Variants in SPIDR observed in about 807,000 individuals in gnomAD.
SPIDR encodes the protein DNA repair-scaffolding protein.
SPIDR carries 93 observed loss-of-function variants against 104.6 expected under a neutral mutation model. That is an observed-to-expected ratio of 0.89 (90% CI 0.75 to 1.06). SPIDR has a LOEUF of 1.06. SPIDR is among the 50% of genes least tolerant of loss of function. The pLI, the probability that SPIDR is intolerant of heterozygous loss-of-function variation, is 0.00. For missense variants in SPIDR, 1,154 were observed against 1,111.2 expected (o/e 1.04, Z -0.55); for synonymous variants, 431 against 416.9 (o/e 1.03, Z -0.41).
At chr8:47,389,175 G>C (rs1287487564) in intron 5 of SPIDR, among the ~76,000 whole-genome samples, 1 of 152,158 alleles carries the variant, frequency 6.6e-6, no homozygotes, top group African/African-American at 2.4e-5. Context: ...TGCTATAAAA[G>C]ATCCTGACTT....
chr8:47,729,241 T>G, intron 18 of SPIDR, 171 bp from the exon 19 acceptor site: 2 of 1,439,670 alleles, frequency 1.4e-6, no homozygotes, highest in Non-Finnish European at 1.9e-6. Flanking sequence ...GCACCCTATG[T>G]GAACACAGTC....
chr8:47,452,775 G>A (rs2154349312), intron 8 of SPIDR, among the ~76,000 whole-genome samples: 1 of 152,276 alleles, frequency 6.6e-6, no homozygotes, highest in South Asian at 2.1e-4. Context: ...GGCAGAAACT[G>A]GAAGCATTCC....
At chr8:47,705,909 A>G (rs905858851) in intron 14 of SPIDR, among the ~76,000 whole-genome samples, 17 of 151,918 alleles carry the variant, frequency 1.1e-4, no homozygotes, top group Non-Finnish European at 8.8e-5. Context: ...TCAAAAAAAA[A>G]AAAAGCAGAT....
chr8:47,262,320 CTTTT>C (rs980020126), intron 1 of SPIDR, among the ~76,000 whole-genome samples: 1 of 151,300 alleles, frequency 6.6e-6, no homozygotes, highest in Non-Finnish European at 1.5e-5. Context: ...TTTCAAGACT[CTTTT>C]TTTTTACTCA....
At chr8:47,293,314 A>G (rs1302444229) in intron 4 of SPIDR, among the ~76,000 whole-genome samples, 7 of 152,196 alleles carry the variant, frequency 4.6e-5, no homozygotes, top group African/African-American at 1.7e-4. Flanking sequence ...TACATAGTTT[A>G]TTTGCTTAAA....
At chr8:47,650,795 G>GC in intron 10 of SPIDR, among the ~76,000 whole-genome samples, 1 of 152,190 alleles carries the variant, frequency 6.6e-6, no homozygotes, top group Middle Eastern at 3.4e-3. Context: ...AAGAAATAAG[G>GC]CCAAATACTT....
chr8:47,616,031 T>G (rs1382678426), intron 10 of SPIDR, among the ~76,000 whole-genome samples: 1 of 152,264 alleles, frequency 6.6e-6, no homozygotes, highest in Admixed American at 6.5e-5. Flanking sequence ...TGATCTTGTA[T>G]CCTGCAACTT....
intron 1 of SPIDR, among the ~76,000 whole-genome samples, chr8:47,271,028 G>A (rs2035205802): frequency 6.6e-6 from 1 of 152,142 alleles, no homozygotes; most frequent in African/African-American, 2.4e-5. Flanking sequence ...GTATTCTGCT[G>A]TTCCTCAGGG....
chr8:47,603,813 G>A (rs890492697), intron 10 of SPIDR, among the ~76,000 whole-genome samples: 12 of 152,168 alleles, frequency 7.9e-5, no homozygotes, highest in Admixed American at 2.0e-4. Flanking sequence ...CTAAATAGTC[G>A]TGTCTTCAGA....
At chr8:47,725,272 TAAGAC>T (rs1306362985) in intron 16 of SPIDR, among the ~76,000 whole-genome samples, 1 of 152,236 alleles carries the variant, frequency 6.6e-6, no homozygotes, top group Non-Finnish European at 1.5e-5. Context: ...TTTCTGCACA[TAAGAC>T]AAGCAAACTA....
intron 5 of SPIDR, among the ~76,000 whole-genome samples, chr8:47,358,351 T>G (rs1474397536): frequency 3.3e-5 from 5 of 152,238 alleles, no homozygotes; most frequent in Non-Finnish European, 7.3e-5. Flanking sequence ...GCCTCCTGAG[T>G]TGCTAGGATC....
intron 7 of SPIDR, among the ~76,000 whole-genome samples, chr8:47,427,259 T>A (rs2066561805): frequency 6.7e-6 from 1 of 149,582 alleles, no homozygotes; most frequent in African/African-American, 2.4e-5. Flanking sequence ...AAATAAATTG[T>A]CAGAAGCAGT....
At chr8:47,489,449 T>A (rs2078285970) in intron 8 of SPIDR, among the ~76,000 whole-genome samples, 1 of 152,176 alleles carries the variant, frequency 6.6e-6, no homozygotes, top group Admixed American at 6.5e-5. Flanking sequence ...ATAGATTCAG[T>A]GCCATCCCCA....
intron 1 of SPIDR, among the ~76,000 whole-genome samples, chr8:47,270,842 A>G (rs1411766872): frequency 5.9e-5 from 9 of 152,092 alleles, no homozygotes; most frequent in African/African-American, 1.7e-4. Flanking sequence ...GAGTGTGTTT[A>G]ATTTTTGCAT....
intron 15 of SPIDR, chr8:47,713,223 T>C: frequency 1.7e-6 from 1 of 599,520 alleles, no homozygotes; most frequent in Non-Finnish European, 2.7e-6. Flanking sequence ...CTGCCTCAGC[T>C]ATCTTTTTTA....
chr8:47,561,469 A>G (rs2057067773), intron 8 of SPIDR, among the ~76,000 whole-genome samples: 1 of 152,132 alleles, frequency 6.6e-6, no homozygotes, highest in Non-Finnish European at 1.5e-5. Flanking sequence ...CTGTGTCCAG[A>G]TTTCACATAC....
At chr8:47,502,514 A>C (rs974645317) in intron 8 of SPIDR, among the ~76,000 whole-genome samples, 3 of 151,988 alleles carry the variant, frequency 2.0e-5, no homozygotes, top group Non-Finnish European at 2.9e-5. Flanking sequence ...TATTGCGTCT[A>C]TTTGATTCTT....
intron 8 of SPIDR, among the ~76,000 whole-genome samples, chr8:47,579,413 T>C (rs1220101390): frequency 6.6e-6 from 1 of 152,226 alleles, no homozygotes; most frequent in Non-Finnish European, 1.5e-5. Context: ...AAATGTTCTA[T>C]TTTTTGTGCT....
intron 5 of SPIDR, among the ~76,000 whole-genome samples, chr8:47,315,281 A>G (rs1250363753): frequency 2.6e-5 from 4 of 152,182 alleles, no homozygotes; most frequent in African/African-American, 9.7e-5. Context: ...TCAAGTACAC[A>G]TGATATGCAT....
Sources: allele counts gnomAD v4.1 joint callset (sites outside exome capture counted in the v4.1 genomes callset), GRCh38; gene constraint gnomAD v4.1.1; transcripts MANE v1.5; gene names NCBI Gene and HGNC (gene_info 2026-07-23, HGNC 2026-07-21).